Variants in KAZN observed in about 807,000 individuals in gnomAD.
The protein encoded by KAZN is kazrin, periplakin interacting protein.
Under a neutral mutation model 87.4 loss-of-function variants are expected in KAZN, and 40 were observed. The observed-to-expected ratio is 0.46, with a 90% CI of 0.36 to 0.60. KAZN has a LOEUF of 0.60. KAZN is among the 20% of genes least tolerant of loss of function. The pLI, the probability that KAZN is intolerant of heterozygous loss-of-function variation, is 0.00. For synonymous variants in KAZN, 466 were observed against 458.3 expected, an observed-to-expected ratio of 1.02 and a Z score of -0.22; for missense variants, 898 against 1,073.9, an observed-to-expected ratio of 0.84 and a Z score of 2.29.
chr1:15,046,018 C>T (rs1487432789), intron 4 of KAZN, among the ~76,000 whole-genome samples: 1 of 152,272 alleles, frequency 6.6e-6, no homozygotes, highest in Non-Finnish European at 1.5e-5. Context: ...GAGAATCAGG[C>T]CGGACGTGGT....
chr1:14,688,035 T>C (rs997587585), intron 1 of KAZN, among the ~76,000 whole-genome samples: 3 of 152,116 alleles, frequency 2.0e-5, no homozygotes, highest in East Asian at 1.9e-4. Flanking sequence ...GCACTTCTGA[T>C]ATAGGAACAC....
intron 1 of KAZN, among the ~76,000 whole-genome samples, chr1:13,931,563 G>T (rs1488471226): frequency 6.6e-6 from 1 of 152,040 alleles, no homozygotes; most frequent in Non-Finnish European, 1.5e-5. Flanking sequence ...ACTCAGGGAA[G>T]ATTAAACCAG....
intron 2 of KAZN, among the ~76,000 whole-genome samples, chr1:14,570,313 G>T (rs937789303): frequency 3.3e-5 from 5 of 152,044 alleles, no homozygotes; most frequent in Non-Finnish European, 7.4e-5. Flanking sequence ...TTTATCTACA[G>T]AATTGTATGT....
chr1:15,112,197 T>C (rs2100753323), intron 13 of KAZN: 1 of 564,950 alleles, frequency 1.8e-6, no homozygotes, highest in East Asian at 3.0e-5. Context: ...CTGGCCTCCT[T>C]TCCCTGTAAT....
At chr1:14,195,456 C>T (rs1259259057) in intron 2 of KAZN, among the ~76,000 whole-genome samples, 6 of 151,150 alleles carry the variant, frequency 4.0e-5, no homozygotes, top group African/African-American at 1.2e-4. Context: ...CCAGAGTGGG[C>T]CACCTAAACA....
chr1:14,868,066 G>GCATACGCAGGCATTT (rs1651718274), intron 1 of KAZN, among the ~76,000 whole-genome samples: 1 of 149,670 alleles, frequency 6.7e-6, no homozygotes, highest in Admixed American at 6.6e-5. Flanking sequence ...GCACAGCATT[G>GCATACGCAGGCATTT]CATACACAGG....
chr1:15,016,853 C>A (rs1235579462), intron 2 of KAZN, among the ~76,000 whole-genome samples: 1 of 152,204 alleles, frequency 6.6e-6, no homozygotes, highest in African/African-American at 2.4e-5. Flanking sequence ...TCTTCACAGA[C>A]CACGCCACCG....
chr1:14,766,385 G>T (rs1197602943), intron 1 of KAZN, among the ~76,000 whole-genome samples: 3 of 152,068 alleles, frequency 2.0e-5, no homozygotes, highest in African/African-American at 7.2e-5. Context: ...TGCCCCAGAG[G>T]CTGGGAAAAG....
intron 1 of KAZN, among the ~76,000 whole-genome samples, chr1:14,077,420 A>T (rs995651781): frequency 7.9e-5 from 12 of 152,206 alleles, no homozygotes; most frequent in Admixed American, 7.9e-4. Context: ...CTGCTGCAAA[A>T]GACTTACATG....
At chr1:15,063,529 C>T (rs1305236572) in intron 6 of KAZN, 43 bp from the exon 7 acceptor site, 1 of 1,576,084 alleles carries the variant, frequency 6.3e-7, no homozygotes, top group African/African-American at 1.3e-5. Context: ...TCCTGTGTCA[C>T]CTGTCTCTGC....
At chr1:14,352,371 G>T (rs1424162405) in intron 2 of KAZN, among the ~76,000 whole-genome samples, 1 of 151,948 alleles carries the variant, frequency 6.6e-6, no homozygotes, top group African/African-American at 2.4e-5. Flanking sequence ...CTTAGGTAGA[G>T]GAAATAATAT....
chr1:14,241,514 CAT>C (rs1648932100), intron 2 of KAZN, among the ~76,000 whole-genome samples: 1 of 152,218 alleles, frequency 6.6e-6, no homozygotes, highest in African/African-American at 2.4e-5. Context: ...CAGAAACAGA[CAT>C]ATAATAACAA....
Position 14,228,483 on chromosome 1 carries a change from A to G in KAZN, c.249+47891A>G, listed in dbSNP as rs577320406. Among the ~76,000 whole-genome samples the G allele has an allele frequency of 3.9e-5, 6 of 152,316 alleles. No individual in the cohort carries two copies. The East Asian group carries it at 1.2e-3, about 29-fold the overall frequency. ...TGTCTTTGGCTGAGGGGATAGAAGC[A>G]GTGTTCTGTAGATCACTGGGAGCCA... On this transcript the variant is annotated intron_variant, in intron 2 of 16. Transcript: ENST00000636203.
At chr1:14,155,715 T>C (rs549564723) in intron 1 of KAZN, among the ~76,000 whole-genome samples, 3 of 152,154 alleles carry the variant, frequency 2.0e-5, no homozygotes, top group African/African-American at 7.2e-5. Context: ...AGTGGCACCA[T>C]CTTGGCTCAC....
chr1:14,663,273 GTA>G (rs1464125635), intron 1 of KAZN, among the ~76,000 whole-genome samples: 1 of 152,134 alleles, frequency 6.6e-6, no homozygotes, highest in Non-Finnish European at 1.5e-5. Flanking sequence ...AGCAATGTGT[GTA>G]TATCTTTTAA....
At chr1:14,806,626 T>C (rs1254946780) in intron 1 of KAZN, among the ~76,000 whole-genome samples, 1 of 152,204 alleles carries the variant, frequency 6.6e-6, no homozygotes, top group Non-Finnish European at 1.5e-5. Context: ...GCTTCTTGAC[T>C]GTGCTATTAT....
intron 1 of KAZN, among the ~76,000 whole-genome samples, chr1:14,788,878 A>G (rs996537645): frequency 1.3e-5 from 2 of 152,120 alleles, no homozygotes; most frequent in African/African-American, 4.8e-5. Context: ...GATGTCTGGG[A>G]CACCCTGAGA....
intron 1 of KAZN, among the ~76,000 whole-genome samples, chr1:14,652,779 T>G (rs1427158738): frequency 2.0e-5 from 3 of 150,756 alleles, no homozygotes; most frequent in East Asian, 2.0e-4. Flanking sequence ...CCAGAAAACA[T>G]TTCATGCTTA....
At chr1:13,931,983 A>C (rs1290075876) in intron 1 of KAZN, among the ~76,000 whole-genome samples, 1 of 150,096 alleles carries the variant, frequency 6.7e-6, no homozygotes, top group Non-Finnish European at 1.5e-5. Context: ...CTGGAACTAC[A>C]GGCACGTACT....
Sources: gnomAD v4.1 joint callset for allele counts (sites outside exome capture counted in the v4.1 genomes callset) on GRCh38, gnomAD v4.1.1 for gene constraint, MANE v1.5 for transcripts, NCBI Gene and HGNC (gene_info 2026-07-23, HGNC 2026-07-21) for gene names.